Variants in AGBL4 observed in about 807,000 individuals in gnomAD.
AGBL4 encodes AGBL carboxypeptidase 4, also known as cytosolic carboxypeptidase 6.
AGBL4 carries 58 observed loss-of-function variants against 66.4 expected under a neutral mutation model. The observed-to-expected ratio is 0.87, with a 90% CI of 0.71 to 1.09. The LOEUF (loss-of-function observed/expected upper bound fraction) is 1.09. Among genes scored for constraint, AGBL4 ranks in the 50% least tolerant of loss-of-function variants. The probability of loss-of-function intolerance (pLI) is 0.00; values close to 1 mark genes in which losing one functional copy is unlikely to be tolerated. For missense variants in AGBL4, 579 were observed against 631.0 expected (o/e 0.92, Z 0.88); for synonymous variants, 234 against 222.9 (o/e 1.05, Z -0.44).
intron 6 of AGBL4, chr1:48,727,849 C>T (rs780617132): frequency 1.3e-6 from 2 of 1,572,682 alleles, no homozygotes; most frequent in South Asian, 1.2e-5. Flanking sequence ...ACATGCCACA[C>T]AAGGAAAACA....
chr1:49,181,838 G>T (rs1165080448), intron 4 of AGBL4, among the ~76,000 whole-genome samples: 1 of 152,186 alleles, frequency 6.6e-6, no homozygotes, highest in Non-Finnish European at 1.5e-5. Flanking sequence ...GGTTTTGCCT[G>T]TTCTCCTTAA....
intron 3 of AGBL4, among the ~76,000 whole-genome samples, chr1:49,279,205 C>T (rs186994212): frequency 8.5e-5 from 13 of 152,196 alleles, no homozygotes; most frequent in Admixed American, 2.6e-4. Flanking sequence ...TAGGGTTTTA[C>T]CTTGGGCATG....
intron 11 of AGBL4, among the ~76,000 whole-genome samples, chr1:48,568,653 G>A (rs1294695254): frequency 1.3e-5 from 2 of 152,200 alleles, no homozygotes; most frequent in African/African-American, 4.8e-5. Context: ...CCCTGTACTT[G>A]AAGCTCCAGA....
intron 1 of AGBL4, among the ~76,000 whole-genome samples, chr1:49,903,197 C>T (rs1031729986): frequency 3.3e-5 from 5 of 152,168 alleles, no homozygotes; most frequent in African/African-American, 4.8e-5. Context: ...TTTGCAACAA[C>T]ATGGATGGCG....
chr1:48,899,214 G>A (rs932707639), intron 5 of AGBL4, among the ~76,000 whole-genome samples: 1 of 152,228 alleles, frequency 6.6e-6, no homozygotes, highest in Non-Finnish European at 1.5e-5. Context: ...GTGCCGCGGG[G>A]CGGGCGGGCG....
chr1:49,467,272 A>G (rs2148707429), intron 3 of AGBL4, among the ~76,000 whole-genome samples: 1 of 151,984 alleles, frequency 6.6e-6, no homozygotes, highest in East Asian at 1.9e-4. Flanking sequence ...AATCTTGGGT[A>G]TCTGCTTTAT....
intron 9 of AGBL4, among the ~76,000 whole-genome samples, chr1:48,618,870 A>T (rs904691321): frequency 2.6e-5 from 4 of 152,166 alleles, no homozygotes; most frequent in African/African-American, 9.7e-5. Context: ...AAATCTATTT[A>T]TAATATCATG....
At chr1:50,011,878 G>A (rs1262611339) in intron 1 of AGBL4, among the ~76,000 whole-genome samples, 1 of 152,148 alleles carries the variant, frequency 6.6e-6, no homozygotes, top group African/African-American at 2.4e-5. Context: ...AATGTTTACC[G>A]GCCGGGCGCG....
intron 3 of AGBL4, among the ~76,000 whole-genome samples, chr1:49,304,800 G>A (rs1644820391): frequency 6.6e-6 from 1 of 152,168 alleles, no homozygotes; most frequent in South Asian, 2.1e-4. Context: ...GCCAGTATAT[G>A]AGAATATTAA....
intron 5 of AGBL4, among the ~76,000 whole-genome samples, chr1:48,983,526 G>A (rs1485110426): frequency 1.3e-5 from 2 of 152,136 alleles, no homozygotes; most frequent in African/African-American, 4.8e-5. Context: ...AGGCAACAAA[G>A]CAAAATTATG....
At chr1:49,972,628 G>A (rs1284656585) in intron 1 of AGBL4, among the ~76,000 whole-genome samples, 1 of 152,182 alleles carries the variant, frequency 6.6e-6, no homozygotes, top group African/African-American at 2.4e-5. Context: ...AGAAGGGTGA[G>A]TATAGTACAA....
chr1:48,580,017 A>G (rs539305144), intron 11 of AGBL4, among the ~76,000 whole-genome samples: 1 of 152,270 alleles, frequency 6.6e-6, no homozygotes, highest in Non-Finnish European at 1.5e-5. Context: ...TGAGATCTCA[A>G]GACTATAGAC....
At chr1:49,842,391 A>T in intron 2 of AGBL4, 1 of 643,828 alleles carries the variant, frequency 1.6e-6, no homozygotes, top group Non-Finnish European at 2.3e-6. Context: ...TACCCAGGTG[A>T]GATGGGAGCC....
At chr1:48,542,001 C>G (rs1387199363) in intron 11 of AGBL4, among the ~76,000 whole-genome samples, 1 of 152,090 alleles carries the variant, frequency 6.6e-6, no homozygotes, top group Non-Finnish European at 1.5e-5. Context: ...AGCACCCAAC[C>G]CCCTGACTGG....
At chr1:49,612,782 T>C (rs1645178810) in intron 3 of AGBL4, among the ~76,000 whole-genome samples, 1 of 152,178 alleles carries the variant, frequency 6.6e-6, no homozygotes, top group Non-Finnish European at 1.5e-5. Flanking sequence ...CTGGTGGGAA[T>C]GTAAATTAAA....
At chr1:49,015,874 G>GA (rs796877059) in intron 5 of AGBL4, among the ~76,000 whole-genome samples, 2 of 151,850 alleles carry the variant, frequency 1.3e-5, no homozygotes, top group African/African-American at 4.8e-5. Flanking sequence ...AATTTCAGCG[G>GA]AAAAAAACCC....
intron 5 of AGBL4, among the ~76,000 whole-genome samples, chr1:49,033,338 T>A (rs1664380280): frequency 6.6e-6 from 1 of 152,138 alleles, no homozygotes; most frequent in East Asian, 1.9e-4. Context: ...TGATAATTGA[T>A]ATTACTAACT....
intron 6 of AGBL4, among the ~76,000 whole-genome samples, chr1:48,680,300 C>T (rs572331913): frequency 3.5e-4 from 53 of 152,328 alleles, no homozygotes; most frequent in Middle Eastern, 6.8e-3. Flanking sequence ...CTGAAGGCTG[C>T]AAGGGGATCA....
At chr1:49,341,965 G>A (rs533550844) in intron 3 of AGBL4, among the ~76,000 whole-genome samples, 18 of 152,196 alleles carry the variant, frequency 1.2e-4, no homozygotes, top group African/African-American at 4.1e-4. Flanking sequence ...AGACATCCAT[G>A]GGGGACAGAT....
Sources: allele counts gnomAD v4.1 joint callset (sites outside exome capture counted in the v4.1 genomes callset), GRCh38; gene constraint gnomAD v4.1.1; transcripts MANE v1.5; gene names NCBI Gene and HGNC (gene_info 2026-07-23, HGNC 2026-07-21).